The following TNKS variants were observed in gnomAD, a reference collection of about 807,000 sequenced individuals.
TNKS encodes the protein poly [ADP-ribose] polymerase tankyrase-1.
TNKS carries 72 observed loss-of-function variants against 135.8 expected under a neutral mutation model. The observed-to-expected ratio is 0.53, with a 90% CI of 0.44 to 0.64. The LOEUF is 0.64. Ranked by LOEUF, TNKS falls within the 30% of genes least tolerant of loss-of-function variation. The probability of loss-of-function intolerance (pLI) is 0.00; values close to 1 mark genes in which losing one functional copy is unlikely to be tolerated. For synonymous variants in TNKS, 849 were observed against 649.3 expected, an observed-to-expected ratio of 1.31 and a Z score of -4.68; for missense variants, 1,769 against 1,674.0, an observed-to-expected ratio of 1.06 and a Z score of -0.99.
At position 9,751,724 on chromosome 8, in the gene TNKS, C is replaced by T. The variant is rs149754939; in HGVS notation, c.2948C>T (p.Pro983Leu). 3.1e-6 allele frequency: 5 copies of T among 1,614,094 alleles called. No individual in the cohort carries two copies. The highest frequency in any genetic ancestry group is 4.5e-5 in the East Asian group (2 of 44,892). The part of the protein sequence containing the change: ...SASLISPAST[P>L]SCLSAASSID... ...TCTCTGATCTCACCAGCATCCACCCCCTCCTGCCTCTCGGCTGCCAGCAGC... is the reference window on the plus strand; with the variant it reads ...TCTCTGATCTCACCAGCATCCACCCTCTCCTGCCTCTCGGCTGCCAGCAGC... The change falls in exon 19 of 27, where the codon CCC becomes CTC. Residue 983 changes from proline to leucine, a missense_variant. Pro to Leu is a moderately conservative substitution (Grantham distance 98). Coordinates refer to ENST00000310430, the MANE Select transcript of TNKS (RefSeq NM_003747.3).
chr8:9,760,945 A>G (rs554225567), intron 20 of TNKS, among the ~76,000 whole-genome samples: 1 of 152,376 alleles, frequency 6.6e-6, no homozygotes, highest in South Asian at 2.1e-4. Context: ...TAGCCTCTTT[A>G]AAACAGTTTG....
chr8:9,620,386 C>T (rs111877729), intron 3 of TNKS, among the ~76,000 whole-genome samples: 2 of 152,172 alleles, frequency 1.3e-5, no homozygotes, highest in African/African-American at 4.8e-5. Context: ...CTCTGTTTCA[C>T]GACAGCAGTA....
intron 5 of TNKS, among the ~76,000 whole-genome samples, chr8:9,684,625 A>G (rs1181832107): frequency 6.6e-6 from 1 of 152,122 alleles, no homozygotes; most frequent in Non-Finnish European, 1.5e-5. Flanking sequence ...TACTGTTGCT[A>G]CTAGTATATG....
intron 2 of TNKS, among the ~76,000 whole-genome samples, chr8:9,602,472 T>C (rs1386152103): frequency 6.6e-6 from 1 of 152,170 alleles, no homozygotes; most frequent in East Asian, 1.9e-4. Context: ...CTTCCCATCC[T>C]CTCTTGTTCC....
chr8:9,653,190 A>G (rs1801207950), intron 3 of TNKS, among the ~76,000 whole-genome samples: 1 of 152,172 alleles, frequency 6.6e-6, no homozygotes, highest in Non-Finnish European at 1.5e-5. Flanking sequence ...CACATTTTAA[A>G]CATGCATGAA....
At chr8:9,769,022 A>G (rs1213964588) in intron 25 of TNKS, among the ~76,000 whole-genome samples, 1 of 152,240 alleles carries the variant, frequency 6.6e-6, no homozygotes, top group African/African-American at 2.4e-5. Flanking sequence ...TAACAGTGTG[A>G]TCATTTGTAC....
intron 2 of TNKS, among the ~76,000 whole-genome samples, chr8:9,609,304 G>C (rs540092336): frequency 5.5e-4 from 83 of 152,090 alleles, no homozygotes; most frequent in Non-Finnish European, 1.1e-3. Context: ...TTATTTATAG[G>C]AGTTACTGCC....
At chr8:9,624,211 C>T (rs1799972355) in intron 3 of TNKS, among the ~76,000 whole-genome samples, 1 of 151,974 alleles carries the variant, frequency 6.6e-6, no homozygotes. Context: ...TGTCATTTTC[C>T]CTAGTAAATT....
chr8:9,710,288 C>T, intron 11 of TNKS, 68 bp downstream of exon 11: 3 of 1,435,734 alleles, frequency 2.1e-6, no homozygotes, highest in South Asian at 2.3e-5. Context: ...AACACTGCTT[C>T]TCTCTCTCCG....
chr8:9,778,276 C>T lies in TNKS; in HGVS notation c.*1540C>T, dbSNP rs569059929. The T allele has an allele frequency of 3.3e-5, 5 of 152,236 alleles. No individual in the cohort carries two copies. The highest frequency in any genetic ancestry group is 4.2e-4 in the South Asian group (2 of 4,818). 9.4% of individuals were successfully genotyped at this position (152,236 alleles called of 1,614,324 possible). A position where few individuals can be genotyped will look rare whatever the true frequency, so the allele number is the denominator to read the frequency against. The stretch of plus-strand genomic sequence containing the variant: ...CTTTGAAGCGAAAGAAATATAAACA[C>T]GAGGAGGAATAGGAAAGACAGTGTG... On this transcript the variant is annotated 3_prime_UTR_variant, in exon 27 of 27. Coordinates refer to ENST00000310430, the MANE Select transcript of TNKS (RefSeq NM_003747.3).
In TNKS at chr8:9,720,491, C is replaced by A. The variant is rs1804821681; in HGVS notation, c.1867C>A (p.Gln623Lys). 6.2e-7 allele frequency: 1 copy of A among 1,614,156 alleles called. No individual in the cohort carries two copies. Among genetic ancestry groups the A allele is most frequent in the Non-Finnish European group, 8.5e-7 (1 of 1,180,014 alleles). ...YGSDPSIISL[Q>K]GFTAAQMGNE... Reference sequence around the variant, plus strand: ...CTCTGACCCCTCCATCATCTCCTTACAAGGCTTCACAGCAGCACAGATGGG... The same window carrying A: ...CTCTGACCCCTCCATCATCTCCTTAAAAGGCTTCACAGCAGCACAGATGGG... The change falls in exon 12 of 27, where the codon CAA becomes AAA. Residue 623 changes from glutamine (Q) to lysine (K), a missense_variant. This residue lies in a region of TNKS where 523 missense variants were observed against 541.0 expected (regional missense o/e 0.97). Transcript: ENST00000310430.
chr8:9,617,356 A>G (rs914455623), intron 3 of TNKS, among the ~76,000 whole-genome samples: 9 of 152,252 alleles, frequency 5.9e-5, no homozygotes, highest in Non-Finnish European at 1.2e-4. Flanking sequence ...ATTCTTGGTC[A>G]TAATACTGAT....
chr8:9,595,178 A>G (rs549416803), intron 2 of TNKS, among the ~76,000 whole-genome samples: 1 of 151,460 alleles, frequency 6.6e-6, no homozygotes, highest in South Asian at 2.1e-4. Flanking sequence ...CTGGAGTGCA[A>G]TGTGTGATCT....
At chr8:9,654,746 A>C (rs1801282205) in intron 3 of TNKS, among the ~76,000 whole-genome samples, 1 of 152,194 alleles carries the variant, frequency 6.6e-6, no homozygotes, top group Non-Finnish European at 1.5e-5. Flanking sequence ...GGAATACCTT[A>C]AAAAGTATCT....
chr8:9,580,141 T>A lies in TNKS; in HGVS notation c.674-18T>A, dbSNP rs1253953700. The A allele has an allele frequency of 6.2e-7, 1 of 1,607,498 alleles. No homozygotes were observed. The highest frequency in any genetic ancestry group is 1.3e-5 in the African/African-American group (1 of 74,748). ...AAAATCAAATATATATACAAGACAT[T>A]TTTTCGTTTCTTTTTAGGTTTTGGA... On this transcript the variant is annotated intron_variant, in intron 1 of 26. Transcript: ENST00000310430.
At chr8:9,585,289 A>G (rs190126969) in intron 2 of TNKS, among the ~76,000 whole-genome samples, 185 of 152,308 alleles carry the variant, frequency 1.2e-3, no homozygotes, top group Non-Finnish European at 1.3e-3. Flanking sequence ...AAAAAGGTAA[A>G]TAAATCTGGG....
At chr8:9,756,011 A>G (rs905827663) in intron 20 of TNKS, among the ~76,000 whole-genome samples, 1 of 152,298 alleles carries the variant, frequency 6.6e-6, no homozygotes, top group African/African-American at 2.4e-5. Context: ...CCCTTCCTTT[A>G]TAACATAGCT....
chr8:9,728,122 G>A (rs1046091313), intron 13 of TNKS, among the ~76,000 whole-genome samples: 2 of 152,138 alleles, frequency 1.3e-5, no homozygotes, highest in Non-Finnish European at 2.9e-5. Flanking sequence ...ATAAGCAGAT[G>A]TATACTACAG....
chr8:9,758,806 C>T (rs1031467264), intron 20 of TNKS, among the ~76,000 whole-genome samples: 5 of 152,198 alleles, frequency 3.3e-5, no homozygotes, highest in Non-Finnish European at 5.9e-5. Context: ...GATAAATTAC[C>T]GCAAACTCAG....
Sources: allele counts gnomAD v4.1 joint callset (sites outside exome capture counted in the v4.1 genomes callset), GRCh38; gene constraint gnomAD v4.1.1; regional missense constraint gnomAD v4.1.1; transcripts MANE v1.5; gene names NCBI Gene and HGNC (gene_info 2026-07-23, HGNC 2026-07-21).